GALNTL6: variants seen among roughly 807,000 people sequenced by gnomAD.
The protein encoded by GALNTL6 is polypeptide N-acetylgalactosaminyltransferase-like 6.
Under a neutral mutation model 73.7 loss-of-function variants are expected in GALNTL6, and 46 were observed. That is an observed-to-expected ratio of 0.62 (90% confidence interval 0.49 to 0.80). The LOEUF (loss-of-function observed/expected upper bound fraction) is 0.80, where lower values mean the gene tolerates loss of function less well. Among genes scored for constraint, GALNTL6 ranks in the 30% least tolerant of loss-of-function variants. GALNTL6 has a pLI of 0.00. For synonymous variants in GALNTL6, 259 were observed against 263.7 expected (o/e 0.98, Z 0.17); for missense variants, 604 against 755.0 (o/e 0.80, Z 2.34).
chr4:172,213,228 TAAATAAAGCTGCTATA>T (rs1736390679), intron 2 of GALNTL6, among the ~76,000 whole-genome samples: 1 of 152,226 alleles, frequency 6.6e-6, no homozygotes, highest in African/African-American at 2.4e-5. Context: ...GTGGGGATTG[TAAATAAAGCTGCTATA>T]AACATTTGCA....
chr4:172,386,858 CCTACCAACTCA>C (rs1326958649), intron 5 of GALNTL6, among the ~76,000 whole-genome samples: 1 of 152,116 alleles, frequency 6.6e-6, no homozygotes, highest in African/African-American at 2.4e-5. Flanking sequence ...TGCCACTCAA[CCTACCAACTCA>C]AAGGCCAATC....
At chr4:173,009,095 A>G (rs1370032908) in intron 10 of GALNTL6, 83 bp from the exon 11 acceptor site, 1 of 871,166 alleles carries the variant, frequency 1.1e-6, no homozygotes, top group Non-Finnish European at 2.0e-6. Flanking sequence ...TCTATGTCTT[A>G]CTTAATCTAC....
Position 172,336,270 on chromosome 4 carries a change from G to GTTTTTTTTTTTTTTTT in GALNTL6, c.387-12249_387-12248insTTTTTTTTTTTTTTTT, listed in dbSNP as rs138448149. 4.0e-4 allele frequency among the ~76,000 whole-genome samples: 43 copies of GTTTTTTTTTTTTTTTT among 108,418 alleles called. 7 individuals carry two copies. The highest frequency in any genetic ancestry group is 5.0e-4 in the Non-Finnish European group (29 of 58,156). The allele number at this position is 108,418 out of a possible 152,430, so 71.1% of individuals were successfully genotyped here. A position where few individuals can be genotyped will look rare whatever the true frequency, so the allele number is the denominator to read the frequency against. On this transcript the variant is annotated intron_variant, in intron 4 of 12. Transcript: ENST00000506823. ...TGAGAACTCTTCTTGGTATAGTTTT[G>GTTTTTTTTTTTTTTTT]TTTTGTTTTTTTTTTTTTTTGACTG...
intron 5 of GALNTL6, among the ~76,000 whole-genome samples, chr4:172,431,709 A>C (rs568257345): frequency 6.6e-6 from 1 of 152,272 alleles, no homozygotes; most frequent in African/African-American, 2.4e-5. Context: ...TAAAATTTGT[A>C]GTATCAATAC....
At chr4:173,026,163 A>G (rs1244476840) in intron 12 of GALNTL6, among the ~76,000 whole-genome samples, 1 of 152,220 alleles carries the variant, frequency 6.6e-6, no homozygotes, top group Admixed American at 6.5e-5. Context: ...TTTAATGCAC[A>G]TGGTTTATTT....
At chr4:172,743,397 G>T (rs969081072) in intron 5 of GALNTL6, among the ~76,000 whole-genome samples, 4 of 151,878 alleles carry the variant, frequency 2.6e-5, no homozygotes, top group Admixed American at 6.6e-5. Flanking sequence ...AATCCAAAGA[G>T]GTTCACCAAG....
intron 5 of GALNTL6, among the ~76,000 whole-genome samples, chr4:172,564,629 G>T (rs973046980): frequency 6.6e-6 from 1 of 152,156 alleles, no homozygotes; most frequent in Non-Finnish European, 1.5e-5. Context: ...ATGCTGTAAT[G>T]GCAAACATAA....
intron 2 of GALNTL6, among the ~76,000 whole-genome samples, chr4:171,893,928 A>G (rs1476263876): frequency 4.6e-5 from 7 of 152,024 alleles, no homozygotes. Context: ...AAAATACCCA[A>G]AGATCTTCCT....
At chr4:172,151,447 A>T (rs1734084710) in intron 2 of GALNTL6, among the ~76,000 whole-genome samples, 1 of 152,240 alleles carries the variant, frequency 6.6e-6, no homozygotes, top group South Asian at 2.1e-4. Context: ...ACCATAAAAT[A>T]TATTTTCCAA....
chr4:172,260,657 A>G (rs1738226688), intron 3 of GALNTL6, among the ~76,000 whole-genome samples: 1 of 151,596 alleles, frequency 6.6e-6, no homozygotes, highest in African/African-American at 2.4e-5. Context: ...AGAAGTGGTG[A>G]AAGTGGGAAT....
At chr4:172,186,877 A>G (rs1735430998) in intron 2 of GALNTL6, among the ~76,000 whole-genome samples, 1 of 152,132 alleles carries the variant, frequency 6.6e-6, no homozygotes, top group East Asian at 1.9e-4. Context: ...CATTGAAAAT[A>G]CACTAAAAGC....
chr4:173,023,939 G>A (rs1422002355), intron 12 of GALNTL6, among the ~76,000 whole-genome samples: 2 of 151,958 alleles, frequency 1.3e-5, no homozygotes, highest in Admixed American at 6.6e-5. Context: ...TGCGCACATC[G>A]ATAAAATAGC....
At chr4:172,814,377 T>C (rs1741485171) in intron 7 of GALNTL6, among the ~76,000 whole-genome samples, 1 of 152,156 alleles carries the variant, frequency 6.6e-6, no homozygotes, top group African/African-American at 2.4e-5. Flanking sequence ...ATAAGAAGTA[T>C]GCATTTAAAG....
At chr4:171,888,241 T>C (rs1202348803) in intron 2 of GALNTL6, among the ~76,000 whole-genome samples, 4 of 151,820 alleles carry the variant, frequency 2.6e-5, no homozygotes, top group Non-Finnish European at 5.9e-5. Flanking sequence ...CAGGTGATTA[T>C]ACTAAACATA....
intron 5 of GALNTL6, among the ~76,000 whole-genome samples, chr4:172,379,158 C>A (rs1472192751): frequency 5.9e-5 from 9 of 152,180 alleles, no homozygotes; most frequent in African/African-American, 1.9e-4. Context: ...GTTTAATGTT[C>A]CCATTCTGGT....
intron 2 of GALNTL6, among the ~76,000 whole-genome samples, chr4:172,206,653 A>G (rs1326951982): frequency 1.3e-5 from 2 of 152,220 alleles, no homozygotes; most frequent in East Asian, 3.9e-4. Context: ...ATGATGAGAA[A>G]GAGACCGTCA....
At chr4:172,125,554 G>A (rs1256021883) in intron 2 of GALNTL6, among the ~76,000 whole-genome samples, 1 of 152,062 alleles carries the variant, frequency 6.6e-6, no homozygotes, top group Admixed American at 6.5e-5. Context: ...TACAATTATA[G>A]CCAACCTGAT....
intron 8 of GALNTL6, among the ~76,000 whole-genome samples, chr4:172,917,767 GT>G (rs1364840234): frequency 6.6e-6 from 1 of 152,238 alleles, no homozygotes; most frequent in Non-Finnish European, 1.5e-5. Context: ...TGGAGAGGTT[GT>G]GGAGAAATAG....
chr4:172,565,947 A>G (rs1420712466), intron 5 of GALNTL6, among the ~76,000 whole-genome samples: 1 of 152,212 alleles, frequency 6.6e-6, no homozygotes, highest in Non-Finnish European at 1.5e-5. Context: ...AAAGAAGGAC[A>G]TTATATATTA....
Sources: allele counts gnomAD v4.1 joint callset (sites outside exome capture counted in the v4.1 genomes callset), GRCh38; gene constraint gnomAD v4.1.1; transcripts MANE v1.5; gene names NCBI Gene and HGNC (gene_info 2026-07-23, HGNC 2026-07-21).